Variants in MORC1 observed in about 807,000 individuals in gnomAD.
MORC1 encodes the protein MORC family CW-type zinc finger protein 1.
A neutral mutation model predicts 134.9 loss-of-function variants in MORC1; 59 were observed. The ratio of observed to expected loss-of-function variants is 0.44; its 90% CI spans 0.35 to 0.54. MORC1 has a LOEUF of 0.54. MORC1 is among the 20% of genes least tolerant of loss of function. MORC1 has a pLI of 0.00. For missense variants in MORC1, 947 were observed against 1,134.5 expected, an observed-to-expected ratio of 0.83 and a Z score of 2.37; for synonymous variants, 395 against 391.7, an observed-to-expected ratio of 1.01 and a Z score of -0.10.
chr3:109,021,644 T>A (rs957282114), intron 17 of MORC1, among the ~76,000 whole-genome samples: 3 of 152,202 alleles, frequency 2.0e-5, no homozygotes, highest in Admixed American at 6.5e-5. Context: ...GCTGAGAATA[T>A]CCTGAGTTCC....
At chr3:109,028,009 T>C (rs1387274006) in intron 16 of MORC1, 120 bp from the exon 17 acceptor site, 3 of 1,102,934 alleles carry the variant, frequency 2.7e-6, no homozygotes, top group Admixed American at 5.9e-5. Context: ...AAAATTCAAA[T>C]AGGAAGGAAA....
intron 3 of MORC1, among the ~76,000 whole-genome samples, chr3:109,107,284 C>T (rs1951059951): frequency 2.0e-5 from 3 of 152,092 alleles, no homozygotes; most frequent in Admixed American, 1.3e-4. Context: ...TATTAAAATA[C>T]CTGTTCGTGT....
intron 27 of MORC1, among the ~76,000 whole-genome samples, chr3:108,962,031 A>G (rs1265324910): frequency 1.3e-5 from 2 of 152,190 alleles, no homozygotes; most frequent in Non-Finnish European, 2.9e-5. Flanking sequence ...ACATGAAAAC[A>G]TTTGGCATTC....
chr3:109,075,093 A>C (rs934535990), intron 8 of MORC1, among the ~76,000 whole-genome samples: 3 of 152,212 alleles, frequency 2.0e-5, no homozygotes, highest in Non-Finnish European at 4.4e-5. Flanking sequence ...AGTTCTATAC[A>C]TACGTCACTG....
chr3:109,088,601 T>C (rs942086816), intron 8 of MORC1, among the ~76,000 whole-genome samples: 4 of 152,138 alleles, frequency 2.6e-5, no homozygotes, highest in South Asian at 4.1e-4. Flanking sequence ...GGAATACTTA[T>C]ACACTGTTAG....
intron 7 of MORC1, among the ~76,000 whole-genome samples, chr3:109,094,229 A>G (rs1950785816): frequency 6.6e-6 from 1 of 152,230 alleles, no homozygotes; most frequent in African/African-American, 2.4e-5. Context: ...ATTAACAAAA[A>G]AAGTCCAAAT....
At chr3:108,971,289 A>G (rs766864733) in intron 25 of MORC1, 41 bp downstream of exon 25, 136 of 1,550,958 alleles carry the variant, frequency 8.8e-5, no homozygotes, top group Non-Finnish European at 1.1e-4. Context: ...GATTCAGGCT[A>G]TTCTATCATT....
intron 2 of MORC1, 28 bp downstream of exon 2, chr3:109,114,356 G>C: frequency 6.3e-7 from 1 of 1,578,714 alleles, no homozygotes; most frequent in South Asian, 1.1e-5. Flanking sequence ...AATTCCCTCA[G>C]TAACTGTTGT....
chr3:108,967,328 T>C (rs1010453578), intron 26 of MORC1, among the ~76,000 whole-genome samples: 2 of 152,188 alleles, frequency 1.3e-5, no homozygotes, highest in African/African-American at 2.4e-5. Context: ...TGTATGACAG[T>C]ATAATTCTTA....
At position 109,118,014 on chromosome 3, in the gene MORC1, C is replaced by T. The variant is rs747048962; in HGVS notation, c.46G>A (p.Asp16Asn). 3.1e-6 allele frequency: 5 copies of T among 1,608,178 alleles called. No individual in the cohort carries two copies. The East Asian group carries it at 1.1e-4, about 36-fold the overall frequency. Reference sequence around the variant, plus strand: ...ACTCACGAGTTGGCGTGGATGAAATCCAGACGCAGCTGGGCCCGCTGAAGC... The same window carrying T: ...ACTCACGAGTTGGCGTGGATGAAATTCAGACGCAGCTGGGCCCGCTGAAGC... ...PALQRAQLRL[D>N]FIHANSTTHS... The change falls in exon 1 of 28, where the codon GAT becomes AAT. Residue 16 changes from aspartate (D) to asparagine (N), a missense_variant. Coordinates refer to ENST00000232603, the MANE Select transcript of MORC1 (RefSeq NM_014429.4).
intron 14 of MORC1, among the ~76,000 whole-genome samples, chr3:109,046,002 C>T (rs1318777878): frequency 1.3e-5 from 2 of 152,098 alleles, no homozygotes; most frequent in African/African-American, 2.4e-5. Flanking sequence ...CACCCTCAAC[C>T]TAAGAAAATA....
At chr3:108,994,388 C>T (rs946071982) in intron 21 of MORC1, among the ~76,000 whole-genome samples, 2 of 151,482 alleles carry the variant, frequency 1.3e-5, no homozygotes, top group South Asian at 2.1e-4. Context: ...GACAAAAGGG[C>T]CAGTCAGTCA....
chr3:109,058,566 C>G (rs564128378), intron 12 of MORC1, among the ~76,000 whole-genome samples: 2 of 152,112 alleles, frequency 1.3e-5, no homozygotes, highest in African/African-American at 4.8e-5. Context: ...AAAGTTCTAT[C>G]AGTCCTTCCA....
intron 27 of MORC1, among the ~76,000 whole-genome samples, chr3:108,960,139 C>T (rs1947042610): frequency 6.6e-6 from 1 of 152,198 alleles, no homozygotes; most frequent in African/African-American, 2.4e-5. Flanking sequence ...GTCAGACTGT[C>T]CACATCCCTT....
At chr3:109,065,209 T>C (rs1303895689) in intron 9 of MORC1, among the ~76,000 whole-genome samples, 1 of 152,186 alleles carries the variant, frequency 6.6e-6, no homozygotes, top group East Asian at 1.9e-4. Flanking sequence ...TTTAAAAACA[T>C]AGGTCAAGTA....
chr3:109,117,925 G>C, intron 1 of MORC1, 70 bp downstream of exon 1: 1 of 1,285,462 alleles, frequency 7.8e-7, no homozygotes, highest in East Asian at 2.5e-5. Context: ...TTCCTCAGGG[G>C]ACGGGCAAAA....
chr3:108,979,382 A>T (rs913296593), intron 24 of MORC1, 133 bp downstream of exon 24: 2 of 966,868 alleles, frequency 2.1e-6, no homozygotes, highest in African/African-American at 3.3e-5. Context: ...CAGCATAGTT[A>T]GGAGACAAGT....
At chr3:108,972,791 A>C (rs2107403394) in intron 24 of MORC1, among the ~76,000 whole-genome samples, 1 of 152,230 alleles carries the variant, frequency 6.6e-6, no homozygotes, top group East Asian at 1.9e-4. Flanking sequence ...CAGGCTTGAA[A>C]CCTTTTCAGA....
At chr3:109,037,814 C>T (rs111660751) in intron 14 of MORC1, among the ~76,000 whole-genome samples, 25 of 152,156 alleles carry the variant, frequency 1.6e-4, no homozygotes, top group African/African-American at 4.3e-4. Context: ...GGTGTATATG[C>T]GCCACATTTT....
Sources: gnomAD v4.1 joint callset for allele counts (sites outside exome capture counted in the v4.1 genomes callset) on GRCh38, gnomAD v4.1.1 for gene constraint, MANE v1.5 for transcripts, NCBI Gene and HGNC (gene_info 2026-07-23, HGNC 2026-07-21) for gene names.